The following SPTBN1 variants were observed in gnomAD, a reference collection of about 807,000 sequenced individuals.
SPTBN1 encodes the protein spectrin beta, non-erythrocytic 1.
A neutral mutation model predicts 266.4 loss-of-function variants in SPTBN1; 32 were observed. The observed-to-expected ratio is 0.12, with a 90% CI of 0.09 to 0.16. The LOEUF (loss-of-function observed/expected upper bound fraction) is 0.16, where lower values mean the gene tolerates loss of function less well. Among genes scored for constraint, SPTBN1 ranks in the 10% least tolerant of loss-of-function variants. The probability of loss-of-function intolerance (pLI) is 1.00; values close to 1 mark genes in which losing one functional copy is unlikely to be tolerated. For synonymous variants in SPTBN1, 1,336 were observed against 1,162.2 expected (o/e 1.15, Z -3.04); for missense variants, 2,296 against 3,067.1 (o/e 0.75, Z 5.94).
Position 54,533,435 on chromosome 2 carries a change from T to A in SPTBN1, c.148+6869T>A, listed in dbSNP as rs1478186613. ...TTCTAGTGAACGAACAGAGCCAACC[T>A]CTTCCTGAATATGTAAAGAAATCTA... is the stretch of plus-strand genomic sequence containing the variant. On this transcript the variant is annotated intron_variant, in intron 2 of 35. Coordinates refer to ENST00000356805, the MANE Select transcript of SPTBN1 (RefSeq NM_003128.3). The surrounding 1 kb of genome is among the most constrained non-coding windows in gnomAD (Gnocchi z 4.2). Among the ~76,000 whole-genome samples, 1 of 151,698 alleles carries A rather than the reference T, an allele frequency of 6.6e-6. No homozygotes were observed. Among genetic ancestry groups the A allele is most frequent in the Non-Finnish European group, 1.5e-5 (1 of 67,962 alleles).
At chr2:54,605,780 A>C (rs6726004) in intron 3 of SPTBN1, among the ~76,000 whole-genome samples, 150,954 of 152,342 alleles carry the variant, frequency 0.99, 74,787 homozygotes, top group East Asian at 1. Context: ...CCTCTCGTAT[A>C]GTACCACCAG....
chr2:54,552,072 G>A (rs1403562623), intron 2 of SPTBN1, among the ~76,000 whole-genome samples: 2 of 152,164 alleles, frequency 1.3e-5, no homozygotes, highest in Non-Finnish European at 2.9e-5. Flanking sequence ...AGGGAGGACT[G>A]GTCCTGCCAC....
At chr2:54,478,460 A>G (rs1667949928) in intron 1 of SPTBN1, among the ~76,000 whole-genome samples, 1 of 152,190 alleles carries the variant, frequency 6.6e-6, no homozygotes, top group Admixed American at 6.5e-5. Flanking sequence ...TCACAGTCAG[A>G]AAGATTGTAG....
rs77797458 is a variant in SPTBN1, at chr2:54,465,727, G to A, written c.-48+9209G>A. 2.0e-5 allele frequency among the ~76,000 whole-genome samples: 3 copies of A among 149,072 alleles called. No homozygotes were observed. In the East Asian group the frequency reaches 5.9e-4, roughly 29 times the overall value. Reference sequence around the variant, plus strand: ...TTGAGTAATCTCTACCACGAAGGGAGGCACATATTTTAAAACATTTTAAAT... The same window carrying A: ...TTGAGTAATCTCTACCACGAAGGGAAGCACATATTTTAAAACATTTTAAAT... On this transcript the variant is annotated intron_variant, in intron 1 of 35. Transcript: ENST00000356805.
intron 17 of SPTBN1, among the ~76,000 whole-genome samples, 153 bp from the exon 18 acceptor site, chr2:54,637,560 A>G (rs1004798855): frequency 3.3e-5 from 5 of 152,190 alleles, no homozygotes; most frequent in African/African-American, 1.2e-4. Context: ...GGATGCTAAA[A>G]TCTCTTTATC....
intron 1 of SPTBN1, among the ~76,000 whole-genome samples, chr2:54,513,255 G>C (rs764957866): frequency 6.6e-6 from 1 of 152,136 alleles, no homozygotes; most frequent in Middle Eastern, 3.2e-3. Flanking sequence ...TTGTGGTGGT[G>C]GGGGGAGGTA....
intron 1 of SPTBN1, among the ~76,000 whole-genome samples, chr2:54,487,832 C>CTCTTTTTTTTTTTTTTT (rs1426296541): frequency 8.7e-5 from 6 of 68,644 alleles, no homozygotes; most frequent in Non-Finnish European, 1.3e-4. Flanking sequence ...CCTCCTGTGT[C>CTCTTTTTTTTTTTTTTT]TTTTTTTTTT....
rs2104365942 is a variant in SPTBN1, at chr2:54,533,753, G to A, written c.148+7187G>A. Among the ~76,000 whole-genome samples, 1 of 152,256 alleles carries A rather than the reference G, an allele frequency of 6.6e-6. No individual in the cohort carries two copies. Among genetic ancestry groups the A allele is most frequent in the Non-Finnish European group, 1.5e-5 (1 of 68,024 alleles). ...TTTAGTAGAGACGGGGTTTCACCATGTTGGCCAGGCTGGTCTCGAACTCCT... is the reference window on the plus strand; with the variant it reads ...TTTAGTAGAGACGGGGTTTCACCATATTGGCCAGGCTGGTCTCGAACTCCT... On this transcript the variant is annotated intron_variant, in intron 2 of 35. Coordinates refer to ENST00000356805, the MANE Select transcript of SPTBN1 (RefSeq NM_003128.3). The surrounding 1 kb of genome is among the most constrained non-coding windows in gnomAD (Gnocchi z 4.2).
intron 2 of SPTBN1, among the ~76,000 whole-genome samples, chr2:54,579,450 C>T (rs1674721491): frequency 1.4e-5 from 1 of 71,614 alleles, no homozygotes; most frequent in Non-Finnish European, 2.5e-5. Flanking sequence ...CTTTCACACT[C>T]ACCCATAGGG....
At chr2:54,534,880 C>T (rs892455923) in intron 2 of SPTBN1, among the ~76,000 whole-genome samples, 6 of 152,200 alleles carry the variant, frequency 3.9e-5, no homozygotes, top group African/African-American at 1.4e-4. Flanking sequence ...TATTCCTGCA[C>T]CTCACTCTTT....
At chr2:54,622,159 A>G (rs1014016441) in intron 8 of SPTBN1, 141 bp from the exon 9 acceptor site, 2 of 757,324 alleles carry the variant, frequency 2.6e-6, no homozygotes, top group Non-Finnish European at 4.2e-6. Context: ...GCTTGTGCCC[A>G]GGTACAGCTG....
chr2:54,648,971 C>T lies in SPTBN1; in HGVS notation c.4998-15C>T, dbSNP rs768339108. On this transcript the variant is annotated splice_polypyrimidine_tract_variant and intron_variant, in intron 24 of 35. Transcript: ENST00000356805. ...TAAGATCCTTTTTCTCCCCATTGCT[C>T]CTTTTCTTTTTCAGTGAGCGCATTA... The T allele has an allele frequency of 1.1e-5, 17 of 1,574,720 alleles. No individual in the cohort carries two copies. The highest frequency in any genetic ancestry group is 1.3e-5 in the African/African-American group (1 of 74,242).
At chr2:54,560,065 C>G (rs1220462419) in intron 2 of SPTBN1, among the ~76,000 whole-genome samples, 1 of 152,094 alleles carries the variant, frequency 6.6e-6, no homozygotes, top group South Asian at 2.1e-4. Context: ...AAGCTCCCTT[C>G]GCTCTGGGGA....
intron 18 of SPTBN1, among the ~76,000 whole-genome samples, chr2:54,642,687 G>A (rs190110520): frequency 2.0e-5 from 3 of 152,064 alleles, no homozygotes; most frequent in South Asian, 4.2e-4. Flanking sequence ...TTTTAAACAC[G>A]GGCCTTTTGT....
intron 3 of SPTBN1, among the ~76,000 whole-genome samples, chr2:54,602,392 G>C (rs1676554459): frequency 6.6e-6 from 1 of 152,130 alleles, no homozygotes; most frequent in Non-Finnish European, 1.5e-5. Flanking sequence ...GGAGCCCCTG[G>C]CATACGATAG....
At chr2:54,568,809 C>A (rs769316373) in intron 2 of SPTBN1, among the ~76,000 whole-genome samples, 1 of 152,216 alleles carries the variant, frequency 6.6e-6, no homozygotes, top group Non-Finnish European at 1.5e-5. Flanking sequence ...GAGTCCATAC[C>A]TGTTTTATGA....
chr2:54,511,508 G>A (rs1313979063), intron 1 of SPTBN1, among the ~76,000 whole-genome samples: 2 of 152,068 alleles, frequency 1.3e-5, no homozygotes, highest in Non-Finnish European at 1.5e-5. Flanking sequence ...GGATGGTTTC[G>A]GGATGATTGA....
intron 2 of SPTBN1, among the ~76,000 whole-genome samples, chr2:54,543,750 A>T (rs1672072949): frequency 6.6e-6 from 1 of 152,194 alleles, no homozygotes; most frequent in Non-Finnish European, 1.5e-5. Context: ...ATACAATAAA[A>T]ATATTTTAAA....
At position 54,646,575 on chromosome 2, in the gene SPTBN1, TG is replaced by T; in HGVS notation, c.4866+101del. 1.5e-6 allele frequency: 2 copies of T among 1,359,292 alleles called. No individual in the cohort carries two copies. Among genetic ancestry groups the T allele is most frequent in the African/African-American group, 2.9e-5 (2 of 68,172 alleles). The allele number at this position is 1,359,292 out of a possible 1,614,324, so 84.2% of individuals were successfully genotyped here. On this transcript the variant is annotated intron_variant, in intron 23 of 35. Coordinates refer to ENST00000356805, the MANE Select transcript of SPTBN1 (RefSeq NM_003128.3). This position sits in a 1 kb window ranked among gnomAD's most constrained non-coding sequence, Gnocchi z 4.4. Reference sequence around the variant, plus strand: ...GCTCTGTCTGTATAAAAACTTCCCTTGTAGCCTTTGAGTGTTAAGGGGACAC... The same window carrying T: ...GCTCTGTCTGTATAAAAACTTCCCTTTAGCCTTTGAGTGTTAAGGGGACAC...
Sources: gnomAD v4.1 joint callset for allele counts (sites outside exome capture counted in the v4.1 genomes callset) on GRCh38, gnomAD v4.1.1 for gene constraint, Gnocchi (gnomAD v3.1) non-coding constraint, MANE v1.5 for transcripts, NCBI Gene and HGNC (gene_info 2026-07-23, HGNC 2026-07-21) for gene names.